TMEM164: variants seen among roughly 807,000 people sequenced by gnomAD.
The protein encoded by TMEM164 is RP13-360B22.2.
TMEM164 carries 4 observed loss-of-function variants against 18.8 expected under a neutral mutation model. The ratio of observed to expected loss-of-function variants is 0.21; its 90% CI spans 0.10 to 0.49. The LOEUF (loss-of-function observed/expected upper bound fraction) is 0.49, where lower values mean the gene tolerates loss of function less well. Ranked by LOEUF, TMEM164 falls within the 20% of genes least tolerant of loss-of-function variation. TMEM164 has a pLI of 0.98. For synonymous variants in TMEM164, 86 were observed against 101.7 expected (o/e 0.85, Z 0.93); for missense variants, 108 against 239.9 (o/e 0.45, Z 3.63).
At chrX:110,093,483 C>T (rs911752563) in intron 3 of TMEM164, among the ~76,000 whole-genome samples, 2 of 111,727 alleles carry the variant, frequency 1.8e-5, no homozygotes, top group Non-Finnish European at 3.8e-5. Context: ...GTGTAGAGGT[C>T]TTTATAGTAT....
chrX:110,146,605 A>G (rs2066858258), intron 5 of TMEM164, among the ~76,000 whole-genome samples: 1 of 111,353 alleles, frequency 9.0e-6, no homozygotes, highest in African/African-American at 3.3e-5. Context: ...ATCTCACCAA[A>G]CTGACTTTTT....
intron 2 of TMEM164, among the ~76,000 whole-genome samples, chrX:110,054,868 A>G (rs893235199): frequency 8.9e-6 from 1 of 112,149 alleles, no homozygotes; most frequent in African/African-American, 3.2e-5. Flanking sequence ...TGATGATGAG[A>G]GAGAGACCTT....
At chrX:110,032,942 G>A (rs747114280) in intron 2 of TMEM164, among the ~76,000 whole-genome samples, 1 of 112,411 alleles carries the variant, frequency 8.9e-6, no homozygotes, top group East Asian at 2.8e-4. Context: ...AACAAAGCAT[G>A]TATTGAACTG....
chrX:110,089,300 C>G, intron 3 of TMEM164, among the ~76,000 whole-genome samples: 1 of 111,633 alleles, frequency 9.0e-6, no homozygotes, highest in East Asian at 2.8e-4. Flanking sequence ...CAGGTTCAAG[C>G]GATTCTCCTG....
At position 110,035,520 on chromosome X, in the gene TMEM164, G is replaced by C. The variant is rs1414319494; in HGVS notation, c.390+31356G>C. ...AGCCATTTCCTTTTTTTTTTTTTAG[G>C]GGGGATGGATTCTTGCTCTGTCACC... On this transcript the variant is annotated intron_variant, in intron 2 of 6. Transcript: ENST00000372068. 6.5e-5 allele frequency among the ~76,000 whole-genome samples: 7 copies of C among 107,006 alleles called. No homozygotes were observed. The East Asian group carries it at 1.2e-3, about 18-fold the overall frequency. 92.9% of individuals were successfully genotyped at this position (107,006 alleles called of 115,157 possible).
chrX:110,037,549 G>A (rs1309395709), intron 2 of TMEM164, among the ~76,000 whole-genome samples: 1 of 111,933 alleles, frequency 8.9e-6, no homozygotes, highest in East Asian at 2.8e-4. Flanking sequence ...TATTGTGGAG[G>A]GCTTGTAGCT....
chrX:110,048,538 C>A (rs1435881575), intron 2 of TMEM164, among the ~76,000 whole-genome samples: 1 of 110,448 alleles, frequency 9.1e-6, no homozygotes, highest in Non-Finnish European at 1.9e-5. Context: ...CAGATGTGGA[C>A]CCTGAGATTT....
chrX:110,161,156 G>C (rs1444166277), intron 5 of TMEM164, among the ~76,000 whole-genome samples: 1 of 112,156 alleles, frequency 8.9e-6, no homozygotes, highest in South Asian at 3.7e-4. Flanking sequence ...GATGAGGATT[G>C]GACCTCCTGT....
At chrX:110,068,549 G>T (rs2065534641) in intron 3 of TMEM164, among the ~76,000 whole-genome samples, 1 of 112,166 alleles carries the variant, frequency 8.9e-6, no homozygotes, top group Non-Finnish European at 1.9e-5. Flanking sequence ...CCAAATCCAA[G>T]CACCAAGAGA....
intron 2 of TMEM164, among the ~76,000 whole-genome samples, chrX:110,043,816 AT>A (rs776356168): frequency 1.1e-4 from 12 of 111,853 alleles, no homozygotes; most frequent in Non-Finnish European, 1.9e-5. Context: ...TTCTTTACAC[AT>A]TTTTTTTAAA....
intron 2 of TMEM164, among the ~76,000 whole-genome samples, chrX:110,055,144 T>A (rs1458177550): frequency 9.0e-6 from 1 of 111,653 alleles, no homozygotes; most frequent in African/African-American, 3.3e-5. Context: ...CTCTTGGATG[T>A]TCCTGTTTTC....
rs780674666 is a variant in TMEM164, at chrX:110,144,271, A to G, written c.508-527A>G. Among the ~76,000 whole-genome samples the G allele has an allele frequency of 3.6e-5, 4 of 111,795 alleles. No homozygotes were observed. The Admixed American group carries it at 3.8e-4, about 11-fold the overall frequency. On this transcript the variant is annotated intron_variant, in intron 4 of 6. Transcript: ENST00000372068. ...TGGAATATGGGGATAATTCTACTCC[A>G]TATATTCTTCATGTCAAATGAGAAA...
chrX:110,124,436 TCCCACACGCC>T (rs2066501327), intron 4 of TMEM164, among the ~76,000 whole-genome samples: 4 of 110,980 alleles, frequency 3.6e-5, no homozygotes, highest in African/African-American at 9.8e-5. Context: ...TCCCCTTAGG[TCCCACACGCC>T]TAGGACCTTG....
At chrX:110,137,938 C>G (rs947949508) in intron 4 of TMEM164, among the ~76,000 whole-genome samples, 2 of 111,967 alleles carry the variant, frequency 1.8e-5, no homozygotes, top group African/African-American at 6.5e-5. Context: ...GAAACTCTGG[C>G]CTATAGATAG....
At chrX:110,120,323 A>G (rs1164728613) in intron 4 of TMEM164, among the ~76,000 whole-genome samples, 2 of 111,965 alleles carry the variant, frequency 1.8e-5, no homozygotes, top group Non-Finnish European at 3.8e-5. Context: ...CACTACTTCA[A>G]GCAGTGTTTC....
chrX:110,020,739 A>G (rs1933767060), intron 2 of TMEM164: 3 of 717,944 alleles, frequency 4.2e-6, no homozygotes, highest in Non-Finnish European at 4.9e-6. Flanking sequence ...TACTCTACAA[A>G]TGTTAATGTG....
chrX:110,116,847 TGTGTGC>T (rs2066372339), intron 4 of TMEM164, among the ~76,000 whole-genome samples: 1 of 104,455 alleles, frequency 9.6e-6, no homozygotes, highest in Non-Finnish European at 2.0e-5. Flanking sequence ...TGTGTGTGTG[TGTGTGC>T]GCGTGTGCGT....
intron 2 of TMEM164, among the ~76,000 whole-genome samples, chrX:110,009,940 C>A (rs1359166211): frequency 1.8e-5 from 2 of 109,267 alleles, no homozygotes; most frequent in African/African-American, 6.7e-5. Context: ...TTGCAGTGAG[C>A]CGAGATCCCG....
chrX:110,057,517 A>G (rs1307469507), intron 2 of TMEM164, among the ~76,000 whole-genome samples: 1 of 108,981 alleles, frequency 9.2e-6, no homozygotes, highest in Admixed American at 9.8e-5. Flanking sequence ...TAAGTATTCC[A>G]GAAGTGGGAT....
Sources: allele counts gnomAD v4.1 joint callset (sites outside exome capture counted in the v4.1 genomes callset), GRCh38; gene constraint gnomAD v4.1.1; transcripts MANE v1.5; gene names NCBI Gene and HGNC (gene_info 2026-07-23, HGNC 2026-07-21).